Variants in SIM1 observed in about 807,000 individuals in gnomAD.
SIM1 encodes the protein single-minded homolog 1.
A neutral mutation model predicts 78.2 loss-of-function variants in SIM1; 18 were observed. That is an observed-to-expected ratio of 0.23 (90% CI 0.16 to 0.34). The LOEUF is 0.34. Among genes scored for constraint, SIM1 ranks in the 10% least tolerant of loss-of-function variants. The pLI is 1.00. For synonymous variants in SIM1, 417 were observed against 385.2 expected, an observed-to-expected ratio of 1.08 and a Z score of -0.97; for missense variants, 939 against 975.1, an observed-to-expected ratio of 0.96 and a Z score of 0.49.
At chr6:100,424,523 C>T (rs1256530012) in intron 9 of SIM1, among the ~76,000 whole-genome samples, 1 of 152,094 alleles carries the variant, frequency 6.6e-6, no homozygotes, top group African/African-American at 2.4e-5. Context: ...GCAGCCTCAA[C>T]CTCCCCAGCT....
intron 2 of SIM1, among the ~76,000 whole-genome samples, chr6:100,454,051 C>G (rs750680476): frequency 1.3e-5 from 2 of 152,196 alleles, no homozygotes; most frequent in African/African-American, 2.4e-5. Flanking sequence ...ATTTCCTCTT[C>G]TAAACTAAAA....
chr6:100,402,565 C>CTT (rs1279941987), intron 10 of SIM1, among the ~76,000 whole-genome samples: 2 of 106,172 alleles, frequency 1.9e-5, no homozygotes, highest in African/African-American at 6.7e-5. Context: ...CTTTTCTTTT[C>CTT]TCTTTTTTTT....
At chr6:100,417,640 A>G (rs913822627) in intron 10 of SIM1, among the ~76,000 whole-genome samples, 1 of 152,180 alleles carries the variant, frequency 6.6e-6, no homozygotes, top group Non-Finnish European at 1.5e-5. Context: ...GCTTCTTCCA[A>G]CAGAAACGGT....
intron 2 of SIM1, among the ~76,000 whole-genome samples, chr6:100,457,012 C>A (rs776818040): frequency 6.6e-6 from 1 of 152,112 alleles, no homozygotes; most frequent in African/African-American, 2.4e-5. Flanking sequence ...CCGTTCTTGG[C>A]GAATGAATGA....
chr6:100,441,090 AAAG>A (rs1473689395), intron 9 of SIM1, among the ~76,000 whole-genome samples: 1 of 152,196 alleles, frequency 6.6e-6, no homozygotes, highest in Non-Finnish European at 1.5e-5. Context: ...AGACTAAGAG[AAAG>A]CCAGAGGAAA....
intron 8 of SIM1, 126 bp from the exon 9 acceptor site, chr6:100,447,541 A>T: frequency 1.1e-5 from 11 of 1,046,596 alleles, no homozygotes; most frequent in Non-Finnish European, 1.2e-5. Flanking sequence ...GGCAGGAGAG[A>T]GAGAGAGACG....
At chr6:100,420,740 C>A in intron 10 of SIM1, 50 bp downstream of exon 10, 1 of 1,564,446 alleles carries the variant, frequency 6.4e-7, no homozygotes, top group Non-Finnish European at 8.8e-7. Context: ...ACTTCAAGTT[C>A]AAACCATGTC....
chr6:100,406,101 T>C (rs1054125002), intron 10 of SIM1, among the ~76,000 whole-genome samples: 6 of 152,222 alleles, frequency 3.9e-5, no homozygotes, highest in Admixed American at 3.3e-4. Flanking sequence ...CTGTAAATGA[T>C]TCAGTATATC....
chr6:100,452,113 G>C (rs916691119), intron 3 of SIM1, among the ~76,000 whole-genome samples: 1 of 152,172 alleles, frequency 6.6e-6, no homozygotes, highest in African/African-American at 2.4e-5. Flanking sequence ...CAGAGAGAGA[G>C]AAGAATCTGG....
At chr6:100,452,641 C>A (rs1376016149) in intron 3 of SIM1, among the ~76,000 whole-genome samples, 1 of 152,124 alleles carries the variant, frequency 6.6e-6, no homozygotes, top group Non-Finnish European at 1.5e-5. Context: ...TGGAAAGTGT[C>A]AGGGACAGTT....
chr6:100,404,381 G>A (rs1472195708), intron 10 of SIM1, among the ~76,000 whole-genome samples: 1 of 152,156 alleles, frequency 6.6e-6, no homozygotes, highest in Non-Finnish European at 1.5e-5. Flanking sequence ...AATATATAAA[G>A]AGACCCTCTT....
chr6:100,420,746 A>G (rs756215135), intron 10 of SIM1, 44 bp downstream of exon 10: 6 of 1,585,130 alleles, frequency 3.8e-6, no homozygotes, highest in Non-Finnish European at 5.2e-6. Flanking sequence ...AGTTCAAACC[A>G]TGTCGCCAAA....
chr6:100,407,221 A>G (rs1040998233), intron 10 of SIM1, among the ~76,000 whole-genome samples: 18 of 152,226 alleles, frequency 1.2e-4, no homozygotes, highest in Admixed American at 3.3e-4. Context: ...AAGTGAAATC[A>G]TACAGTATTC....
intron 11 of SIM1, among the ~76,000 whole-genome samples, chr6:100,392,086 A>G (rs1352425214): frequency 6.6e-6 from 1 of 152,168 alleles, no homozygotes; most frequent in Non-Finnish European, 1.5e-5. Flanking sequence ...AGACAGGAGA[A>G]TTGCTTGAAC....
intron 9 of SIM1, chr6:100,437,302 A>G (rs761460585): frequency 6.6e-6 from 1 of 152,210 alleles, no homozygotes; most frequent in East Asian, 1.9e-4. Flanking sequence ...ACTGCATCAT[A>G]TTCTAATAAC....
chr6:100,463,390 G>A lies in SIM1; in HGVS notation c.79C>T (p.Leu27=). ...NSEFYELAKL[L]PLPSAITSQL... is the part of the protein sequence containing the mutation. ...GAGGTGATAGCCGAGGGCAAAGGCA[G>A]TAATTTAGCCAGTTCATAAAATTCA... Residue 27 remains leucine, a synonymous_variant, in exon 2 of 12, where the codon CTG becomes TTG. Transcript: ENST00000369208. 2 of 1,614,126 alleles carry A rather than the reference G, an allele frequency of 1.2e-6. No individual in the cohort carries two copies. Among genetic ancestry groups the A allele is most frequent in the Non-Finnish European group, 1.7e-6 (2 of 1,179,994 alleles).
chr6:100,448,390 T>C, intron 7 of SIM1, 89 bp downstream of exon 7: 2 of 1,449,202 alleles, frequency 1.4e-6, no homozygotes, highest in Admixed American at 2.0e-5. Context: ...ATGTGCAAAA[T>C]GGGCTCATAG....
At position 100,453,772 on chromosome 6, in the gene SIM1, T is replaced by A; in HGVS notation, c.248A>T (p.His83Leu). The A allele has an allele frequency of 6.2e-7, 1 of 1,611,218 alleles. No individual in the cohort carries two copies. Among genetic ancestry groups the A allele is most frequent in the Non-Finnish European group, 8.5e-7 (1 of 1,178,710 alleles). ...LDNVGRELGS[H>L]LLQTLDGFIF... Reference sequence around the variant, plus strand: ...GACCTGCACCTGTACCTGGAGCAGATGGGAGCCCAGTTCTCGGCCAACGTT... The same window carrying A: ...GACCTGCACCTGTACCTGGAGCAGAAGGGAGCCCAGTTCTCGGCCAACGTT... Residue 83 changes from histidine to leucine, a missense_variant, in exon 3 of 12, where the codon CAT (histidine) becomes CTT (leucine). Coordinates refer to ENST00000369208, the MANE Select transcript of SIM1 (RefSeq NM_005068.3).
chr6:100,443,391 G>A (rs1772264617), intron 9 of SIM1, among the ~76,000 whole-genome samples: 1 of 152,050 alleles, frequency 6.6e-6, no homozygotes, highest in Admixed American at 6.6e-5. Flanking sequence ...AAATCTGTCT[G>A]ATTCCAAAAT....
Sources: allele counts gnomAD v4.1 joint callset (sites outside exome capture counted in the v4.1 genomes callset), GRCh38; gene constraint gnomAD v4.1.1; transcripts MANE v1.5; gene names NCBI Gene and HGNC (gene_info 2026-07-23, HGNC 2026-07-21).